CNNM1: variants seen among roughly 807,000 people sequenced by gnomAD.
CNNM1 encodes the protein metal transporter CNNM1.
A neutral mutation model predicts 78.8 loss-of-function variants in CNNM1; 44 were observed. The observed-to-expected ratio is 0.56, with a 90% CI of 0.44 to 0.72. CNNM1 has a LOEUF of 0.72. Ranked by LOEUF, CNNM1 falls within the 30% of genes least tolerant of loss-of-function variation. The probability of loss-of-function intolerance (pLI) is 0.00; values close to 1 mark genes in which losing one functional copy is unlikely to be tolerated. For missense variants in CNNM1, 1,101 were observed against 1,292.2 expected (o/e 0.85, Z 2.27); for synonymous variants, 584 against 581.5 (o/e 1.00, Z -0.06).
In CNNM1 at chr10:99,360,872, G is replaced by A; in HGVS notation, c.1755G>A (p.Glu585=). 6.2e-7 allele frequency: 1 copy of A among 1,612,250 alleles called. No homozygotes were observed. Among genetic ancestry groups the A allele is most frequent in the Non-Finnish European group, 8.5e-7 (1 of 1,178,502 alleles). Reference sequence around the variant, plus strand: ...AAAAGCAGAGGGTCCCGCAACGGGAGCGGAAGCGGCATGACTTCTCCTTGT... The same window carrying A: ...AAAAGCAGAGGGTCCCGCAACGGGAACGGAAGCGGCATGACTTCTCCTTGT... The part of the protein sequence containing the change: ...NRKKQRVPQR[E]RKRHDFSLFK... The change falls in exon 3 of 11, where the codon GAG becomes GAA. Residue 585 remains glutamate (E), a synonymous_variant. Transcript: ENST00000356713.
At chr10:99,340,541 A>G (rs2030393385) in intron 1 of CNNM1, among the ~76,000 whole-genome samples, 1 of 152,216 alleles carries the variant, frequency 6.6e-6, no homozygotes, top group African/African-American at 2.4e-5. Context: ...GGTGTCTCCA[A>G]GGAAGGTCTG....
intron 1 of CNNM1, among the ~76,000 whole-genome samples, chr10:99,343,259 G>A (rs551351559): frequency 6.6e-6 from 1 of 152,026 alleles, no homozygotes; most frequent in Non-Finnish European, 1.5e-5. Flanking sequence ...CACCGTGACC[G>A]CCCGGCATGT....
At position 99,330,074 on chromosome 10, in the gene CNNM1, G is replaced by T. The variant is rs1265768779; in HGVS notation, c.687G>T (p.Ala229=). 4.6e-6 allele frequency: 7 copies of T among 1,520,774 alleles called. No homozygotes were observed. Among genetic ancestry groups the T allele is most frequent in the Non-Finnish European group, 6.1e-6 (7 of 1,143,940 alleles). The allele number at this position is 1,520,774 out of a possible 1,614,324, so 94.2% of individuals were successfully genotyped here. A position where few individuals can be genotyped will look rare whatever the true frequency, so the allele number is the denominator to read the frequency against. The part of the protein sequence containing the change: ...LPPAWLRALG[A]LLLLALSALF... Reference sequence around the variant, plus strand: ...CTGCGTGGCTGCGGGCGCTCGGGGCGCTCCTGCTGCTAGCCTTGTCGGCCC... The same window carrying T: ...CTGCGTGGCTGCGGGCGCTCGGGGCTCTCCTGCTGCTAGCCTTGTCGGCCC... The change falls in exon 1 of 11, where the codon GCG becomes GCT. Residue 229 remains alanine, a synonymous_variant. Transcript: ENST00000356713.
chr10:99,356,330 G>T (rs1257445540), intron 1 of CNNM1, among the ~76,000 whole-genome samples: 2 of 151,950 alleles, frequency 1.3e-5, no homozygotes, highest in Non-Finnish European at 2.9e-5. Context: ...ACAAAAATTA[G>T]CTGGGCGTGG....
chr10:99,353,720 TAAG>T (rs2031031551), intron 1 of CNNM1, among the ~76,000 whole-genome samples: 1 of 152,242 alleles, frequency 6.6e-6, no homozygotes, highest in Non-Finnish European at 1.5e-5. Context: ...AGTCTGTACT[TAAG>T]AAGAAATGGC....
rs1448029332 is a variant in CNNM1 at position 99,388,160 on chromosome 10, T to C, written c.2533T>C (p.Ser845Pro). 2.5e-6 allele frequency: 4 copies of C among 1,613,478 alleles called. No individual in the cohort carries two copies. The highest frequency in any genetic ancestry group is 3.4e-6 in the Non-Finnish European group (4 of 1,179,798). Residue 845 changes from serine to proline, a missense_variant, in exon 9 of 11, where the codon TCA becomes CCA. This residue lies in a region of CNNM1 where 348 missense variants were observed against 384.5 expected (regional missense o/e 0.90). Coordinates refer to ENST00000356713, the MANE Select transcript of CNNM1 (RefSeq NM_020348.3). The stretch of plus-strand genomic sequence containing the variant: ...CTCACTGTCCTCCCCAGGCAGCCGC[T>C]CAGACGGGCTGAGAAGCCCCAGCGA... ...NNRNSLPCSR[S>P]DGLRSPSEVV...
chr10:99,351,588 G>T (rs921089702), intron 1 of CNNM1, among the ~76,000 whole-genome samples: 4 of 152,106 alleles, frequency 2.6e-5, no homozygotes, highest in African/African-American at 9.7e-5. Context: ...TGAAAGATGT[G>T]AACCAGGCCA....
At position 99,362,329 on chromosome 10, in the gene CNNM1, A is replaced by T. The variant is rs2031464517; in HGVS notation, c.1961A>T (p.Lys654Met). 1 of 1,613,904 alleles carries T rather than the reference A, an allele frequency of 6.2e-7. No homozygotes were observed. Among genetic ancestry groups the T allele is most frequent in the African/African-American group, 1.3e-5 (1 of 74,940 alleles). The change falls in exon 4 of 11, where the codon AAG (lysine) becomes ATG (methionine). Residue 654 changes from lysine (K) to methionine (M), a missense_variant. This residue lies in a region of CNNM1 where 277 missense variants were observed against 423.2 expected (regional missense o/e 0.65). Coordinates refer to ENST00000356713, the MANE Select transcript of CNNM1 (RefSeq NM_020348.3). ...IQELKFDEKN[K>M]KAPEHYLYQR... ...GAGCTGAAGTTTGATGAGAAGAACA[A>T]GAAGGCCCCGGAACACTACCTCTAC... is the stretch of plus-strand genomic sequence containing the variant.
At chr10:99,382,939 T>C (rs945927274) in intron 7 of CNNM1, among the ~76,000 whole-genome samples, 5 of 152,226 alleles carry the variant, frequency 3.3e-5, no homozygotes. Flanking sequence ...CTGGCCACTC[T>C]ATAAGAGAAG....
At chr10:99,349,955 C>T (rs1235247350) in intron 1 of CNNM1, among the ~76,000 whole-genome samples, 2 of 152,138 alleles carry the variant, frequency 1.3e-5, no homozygotes, top group Non-Finnish European at 2.9e-5. Context: ...GCCAGGATCA[C>T]ACCATTGAAC....
chr10:99,336,036 G>A (rs2030167771), intron 1 of CNNM1, among the ~76,000 whole-genome samples: 1 of 152,196 alleles, frequency 6.6e-6, no homozygotes, highest in African/African-American at 2.4e-5. Flanking sequence ...AATTTTGTGG[G>A]AAGACAAACA....
intron 7 of CNNM1, among the ~76,000 whole-genome samples, chr10:99,378,204 C>T (rs2032036597): frequency 6.6e-6 from 1 of 152,150 alleles, no homozygotes; most frequent in South Asian, 2.1e-4. Context: ...CTTCATGATC[C>T]ACCTGCCTCG....
intron 1 of CNNM1, among the ~76,000 whole-genome samples, chr10:99,347,445 G>A (rs764297377): frequency 5.3e-5 from 8 of 151,960 alleles, no homozygotes; most frequent in Admixed American, 1.3e-4. Flanking sequence ...GCTTGAACCC[G>A]GGAGGCGGAG....
chr10:99,333,135 T>A (rs187421247), intron 1 of CNNM1, among the ~76,000 whole-genome samples: 1 of 152,176 alleles, frequency 6.6e-6, no homozygotes, highest in South Asian at 2.1e-4. Flanking sequence ...GCATCCCTGG[T>A]GTCTCCTTGT....
At chr10:99,386,518 C>T (rs1304690994) in intron 7 of CNNM1, among the ~76,000 whole-genome samples, 1 of 152,214 alleles carries the variant, frequency 6.6e-6, no homozygotes, top group Non-Finnish European at 1.5e-5. Flanking sequence ...AGCCTGGAAT[C>T]TCTGCATGTA....
intron 6 of CNNM1, among the ~76,000 whole-genome samples, chr10:99,373,596 A>G (rs569530092): frequency 1.4e-4 from 21 of 152,296 alleles, no homozygotes; most frequent in Admixed American, 1.2e-3. Context: ...TTTAGGGGGT[A>G]CAAGTGCATT....
At chr10:99,378,758 A>C (rs370054995) in intron 7 of CNNM1, among the ~76,000 whole-genome samples, 33 of 152,098 alleles carry the variant, frequency 2.2e-4, no homozygotes, top group African/African-American at 7.7e-4. Context: ...AGGTTTGAGG[A>C]GTATAGGGTC....
chr10:99,356,631 G>GA (rs1554940142), intron 1 of CNNM1, among the ~76,000 whole-genome samples: 114 of 142,508 alleles, frequency 8.0e-4, no homozygotes, highest in Middle Eastern at 3.6e-3. Flanking sequence ...GAAAAGAAAA[G>GA]AAAGAAAGAA....
intron 6 of CNNM1, among the ~76,000 whole-genome samples, chr10:99,376,623 G>T (rs554700872): frequency 6.6e-6 from 1 of 152,200 alleles, no homozygotes; most frequent in African/African-American, 2.4e-5. Flanking sequence ...GTAGAGGGGC[G>T]CATGGTCTAG....
Sources: allele counts gnomAD v4.1 joint callset (sites outside exome capture counted in the v4.1 genomes callset), GRCh38; gene constraint gnomAD v4.1.1; regional missense constraint gnomAD v4.1.1; transcripts MANE v1.5; gene names NCBI Gene and HGNC (gene_info 2026-07-23, HGNC 2026-07-21).